SPOCK3: variants seen among roughly 807,000 people sequenced by gnomAD.
SPOCK3 encodes testican-3.
Under a neutral mutation model 56.6 loss-of-function variants are expected in SPOCK3, and 30 were observed. The observed-to-expected ratio is 0.53, with a 90% CI of 0.40 to 0.72. The LOEUF (loss-of-function observed/expected upper bound fraction) is 0.72, where lower values mean the gene tolerates loss of function less well. Among genes scored for constraint, SPOCK3 ranks in the 30% least tolerant of loss-of-function variants. SPOCK3 has a pLI of 0.00. For synonymous variants in SPOCK3, 196 were observed against 183.3 expected, an observed-to-expected ratio of 1.07 and a Z score of -0.56; for missense variants, 527 against 530.0, an observed-to-expected ratio of 0.99 and a Z score of 0.06.
chr4:166,950,793 G>C (rs1033789291), intron 4 of SPOCK3, among the ~76,000 whole-genome samples: 2 of 147,666 alleles, frequency 1.4e-5, no homozygotes, highest in Non-Finnish European at 3.0e-5. Flanking sequence ...ACTCAAAACC[G>C]CTCAACTACA....
In SPOCK3 at chr4:166,755,946, C is replaced by T. The variant is rs1438813397; in HGVS notation, c.710-1217G>A. ...CTCCCAGCGTGAGCGACGCAGAAGACGGTGATTTCTGCATTTCCATCTGAG... is the reference window on the plus strand; with the variant it reads ...CTCCCAGCGTGAGCGACGCAGAAGATGGTGATTTCTGCATTTCCATCTGAG... On this transcript the variant is annotated intron_variant, in intron 7 of 10. Coordinates refer to ENST00000357545, the MANE Select transcript of SPOCK3 (RefSeq NM_001040159.2). Among the ~76,000 whole-genome samples the T allele has an allele frequency of 1.1e-3, 8 of 7,316 alleles. 4 individuals carry two copies. The highest frequency in any genetic ancestry group is 9.1e-3 in the Admixed American group (8 of 876). The allele number at this position is 7,316 out of a possible 152,430, so 4.8% of individuals were successfully genotyped here.
intron 2 of SPOCK3, among the ~76,000 whole-genome samples, chr4:167,119,220 GA>G (rs1247890703): frequency 1.3e-5 from 2 of 152,062 alleles, no homozygotes; most frequent in African/African-American, 4.8e-5. Context: ...TAGTTAAATA[GA>G]AAGAAAATTC....
chr4:166,778,110 T>C (rs1353695819), intron 7 of SPOCK3, among the ~76,000 whole-genome samples: 1 of 152,176 alleles, frequency 6.6e-6, no homozygotes, highest in Non-Finnish European at 1.5e-5. Context: ...TTTGTAAGAA[T>C]TGTCAAGCAA....
rs568763626 is a variant in SPOCK3 at position 166,885,369 on chromosome 4, C to A, written c.589+3761G>T. Among the ~76,000 whole-genome samples the A allele has an allele frequency of 9.2e-5, 14 of 151,878 alleles. 1 individual carries two copies. The highest frequency in any genetic ancestry group is 3.4e-3 in the Middle Eastern group (1 of 294). On this transcript the variant is annotated intron_variant, in intron 6 of 10. Transcript: ENST00000357545. ...TTTACTAGAAACTGTTAACTCTTTT[C>A]AAGTAAAACTTAGAAAAACAGTTTT...
chr4:166,812,814 A>G (rs1258524739), intron 6 of SPOCK3, among the ~76,000 whole-genome samples: 1 of 152,042 alleles, frequency 6.6e-6, no homozygotes, highest in African/African-American at 2.4e-5. Flanking sequence ...ACATACACAC[A>G]TATACTCACA....
intron 7 of SPOCK3, among the ~76,000 whole-genome samples, chr4:166,781,312 A>C (rs937934447): frequency 6.6e-6 from 1 of 152,178 alleles, no homozygotes; most frequent in African/African-American, 2.4e-5. Flanking sequence ...AGGCTGTAGT[A>C]TAAATGGCGA....
At chr4:167,128,777 T>A (rs897274027) in intron 2 of SPOCK3, among the ~76,000 whole-genome samples, 1 of 152,164 alleles carries the variant, frequency 6.6e-6, no homozygotes, top group African/African-American at 2.4e-5. Flanking sequence ...CCCCTCTACA[T>A]GAAGGAATTT....
At chr4:167,066,124 G>A (rs111689836) in intron 2 of SPOCK3, among the ~76,000 whole-genome samples, 6 of 151,820 alleles carry the variant, frequency 4.0e-5, no homozygotes, top group African/African-American at 1.5e-4. Flanking sequence ...TGTTTAAACT[G>A]TCTTTTTCCT....
chr4:166,822,249 TG>T (rs1371968302), intron 6 of SPOCK3, among the ~76,000 whole-genome samples: 1 of 152,026 alleles, frequency 6.6e-6, no homozygotes, highest in Non-Finnish European at 1.5e-5. Flanking sequence ...TTCTTATCCT[TG>T]TTTTCCCGCT....
At chr4:167,000,035 T>C (rs945074065) in intron 4 of SPOCK3, among the ~76,000 whole-genome samples, 2 of 152,290 alleles carry the variant, frequency 1.3e-5, no homozygotes, top group South Asian at 2.1e-4. Context: ...AACAAAAATA[T>C]GTAGAGGGAA....
intron 2 of SPOCK3, among the ~76,000 whole-genome samples, chr4:167,090,704 T>A (rs1434911010): frequency 6.6e-6 from 1 of 152,086 alleles, no homozygotes; most frequent in Non-Finnish European, 1.5e-5. Flanking sequence ...GGTTTCTCCA[T>A]GTTGGTCAGG....
chr4:166,951,225 T>C (rs1382067574), intron 4 of SPOCK3, among the ~76,000 whole-genome samples: 4 of 141,546 alleles, frequency 2.8e-5, no homozygotes, highest in East Asian at 4.0e-4. Context: ...ATCAAATAGA[T>C]GCAATAAAAA....
intron 2 of SPOCK3, among the ~76,000 whole-genome samples, chr4:167,160,250 GACAA>G (rs1345651362): frequency 2.0e-5 from 3 of 152,182 alleles, no homozygotes; most frequent in South Asian, 2.1e-4. Context: ...ACCAATAACG[GACAA>G]ACAGAGAGCC....
intron 5 of SPOCK3, among the ~76,000 whole-genome samples, chr4:166,897,039 C>T (rs1735465669): frequency 6.6e-6 from 1 of 152,118 alleles, no homozygotes; most frequent in African/African-American, 2.4e-5. Context: ...CACTATGTGC[C>T]GTTGAGATAT....
intron 3 of SPOCK3, among the ~76,000 whole-genome samples, chr4:167,004,404 T>C (rs1056203796): frequency 6.6e-6 from 1 of 152,190 alleles, no homozygotes; most frequent in Non-Finnish European, 1.5e-5. Flanking sequence ...AAATATAAAA[T>C]GCTCATATCG....
intron 7 of SPOCK3, among the ~76,000 whole-genome samples, 192 bp downstream of exon 7, chr4:166,791,978 A>G (rs1055208751): frequency 6.6e-6 from 1 of 152,226 alleles, no homozygotes; most frequent in African/African-American, 2.4e-5. Flanking sequence ...TTTTCCTCCA[A>G]TAAGAGTTGT....
chr4:166,985,283 C>A lies in SPOCK3; in HGVS notation c.350+15066G>T, dbSNP rs377644069. 1.8e-4 allele frequency among the ~76,000 whole-genome samples: 28 copies of A among 152,118 alleles called. No individual in the cohort carries two copies. In the East Asian group the frequency reaches 4.1e-3, roughly 22 times the overall value. ...TAGAAATGTCTTTTCAAATTGACTG[C>A]AAAAATCATCAGCTGGCTATAGTTT... is the stretch of plus-strand genomic sequence containing the variant. On this transcript the variant is annotated intron_variant, in intron 4 of 10. Coordinates refer to ENST00000357545, the MANE Select transcript of SPOCK3 (RefSeq NM_001040159.2).
At chr4:166,995,876 G>A (rs1370182598) in intron 4 of SPOCK3, among the ~76,000 whole-genome samples, 2 of 152,072 alleles carry the variant, frequency 1.3e-5, no homozygotes, top group Admixed American at 1.3e-4. Flanking sequence ...ATTATGATAA[G>A]TTCAATTCAG....
intron 5 of SPOCK3, among the ~76,000 whole-genome samples, chr4:166,896,362 G>C (rs1735383102): frequency 6.6e-6 from 1 of 152,150 alleles, no homozygotes; most frequent in Non-Finnish European, 1.5e-5. Flanking sequence ...GCTGACACAA[G>C]GCAACTGATG....
Sources: gnomAD v4.1 joint callset for allele counts (sites outside exome capture counted in the v4.1 genomes callset) on GRCh38, gnomAD v4.1.1 for gene constraint, MANE v1.5 for transcripts, NCBI Gene and HGNC (gene_info 2026-07-23, HGNC 2026-07-21) for gene names.